Variants in AKAP6 observed in about 807,000 individuals in gnomAD.
AKAP6 encodes the protein A-kinase anchor protein 6.
AKAP6 carries 58 observed loss-of-function variants against 188.5 expected under a neutral mutation model. That is an observed-to-expected ratio of 0.31 (90% confidence interval 0.25 to 0.38). The LOEUF (loss-of-function observed/expected upper bound fraction) is 0.38, where lower values mean the gene tolerates loss of function less well. Among genes scored for constraint, AKAP6 ranks in the 10% least tolerant of loss-of-function variants. AKAP6 has a pLI of 1.00. For synonymous variants in AKAP6, 989 were observed against 998.6 expected (o/e 0.99, Z 0.18); for missense variants, 2,710 against 2,740.0 (o/e 0.99, Z 0.24).
At position 32,750,731 on chromosome 14, in the gene AKAP6, A is replaced by ATTT. The variant is rs765897477; in HGVS notation, c.3372+14849_3372+14850insTTT. 1.6e-4 allele frequency among the ~76,000 whole-genome samples: 15 copies of ATTT among 93,642 alleles called. No individual in the cohort carries two copies. In the South Asian group the frequency reaches 2.2e-3, roughly 13 times the overall value. The allele number at this position is 93,642 out of a possible 152,430, so 61.4% of individuals were successfully genotyped here. A position where few individuals can be genotyped will look rare whatever the true frequency, so the allele number is the denominator to read the frequency against. On this transcript the variant is annotated intron_variant, in intron 11 of 13. Transcript: ENST00000280979. ...GAGAGCAGGACTGGGTCACTAAATT[A>ATTT]ATTTTGTTTTTTTTTTTTTGTTTTT...
At chr14:32,349,686 C>T (rs1011595820) in intron 1 of AKAP6, among the ~76,000 whole-genome samples, 2 of 152,180 alleles carry the variant, frequency 1.3e-5, no homozygotes, top group African/African-American at 4.8e-5. Context: ...TCGATATACA[C>T]TAACTCGAAG....
chr14:32,487,085 T>G (rs1172306931), intron 2 of AKAP6, among the ~76,000 whole-genome samples: 4 of 152,346 alleles, frequency 2.6e-5, no homozygotes, highest in Admixed American at 1.3e-4. Context: ...CATGTGGTTT[T>G]TGTCATTGGT....
At chr14:32,684,131 C>G (rs1032553841) in intron 8 of AKAP6, among the ~76,000 whole-genome samples, 1 of 152,022 alleles carries the variant, frequency 6.6e-6, no homozygotes, top group African/African-American at 2.4e-5. Flanking sequence ...GTAGAAAAAC[C>G]CAGGAAGCAG....
chr14:32,584,013 A>G (rs1885111523), intron 5 of AKAP6, among the ~76,000 whole-genome samples: 1 of 152,180 alleles, frequency 6.6e-6, no homozygotes, highest in Admixed American at 6.5e-5. Flanking sequence ...GGCACTCCCT[A>G]GTGAGATGAA....
chr14:32,331,755 C>A (rs531071283), intron 1 of AKAP6, among the ~76,000 whole-genome samples: 1 of 152,128 alleles, frequency 6.6e-6, no homozygotes, highest in Admixed American at 6.5e-5. Flanking sequence ...TGGTGCCTCA[C>A]TGAAACTTTC....
rs377576736 is a variant in AKAP6 at position 32,599,488 on chromosome 14, A to G, written c.2548A>G (p.Ile850Val). Reference sequence around the variant, plus strand: ...GGAAGGACACCAACTTCTTGAGCTTATTGCATCTCACAAAGCAGGTAAATC... The same window carrying G: ...GGAAGGACACCAACTTCTTGAGCTTGTTGCATCTCACAAAGCAGGTAAATC... ...EEEGHQLLEL[I>V]ASHKAGLKDM... is the part of the protein sequence containing the mutation. Residue 850 changes from isoleucine to valine, a missense_variant, in exon 6 of 14, where the codon ATT becomes GTT. By Grantham distance (29) the Ile-to-Val change is conservative. Transcript: ENST00000280979. 8.1e-6 allele frequency: 13 copies of G among 1,613,134 alleles called. No homozygotes were observed. The highest frequency in any genetic ancestry group is 1.1e-5 in the Non-Finnish European group (13 of 1,179,480).
chr14:32,676,864 CA>C (rs1384076314), intron 7 of AKAP6, among the ~76,000 whole-genome samples: 1 of 152,106 alleles, frequency 6.6e-6, no homozygotes, highest in Admixed American at 6.6e-5. Flanking sequence ...GAAAGCGTCT[CA>C]CTTTGTTGCC....
chr14:32,835,486 A>C lies in AKAP6; in HGVS notation c.*5681A>C, dbSNP rs1194302261. On this transcript the variant is annotated 3_prime_UTR_variant, in exon 14 of 14. Coordinates refer to ENST00000280979, the MANE Select transcript of AKAP6 (RefSeq NM_004274.5). ...CAAAACCATCAGAAAAATTGACACA[A>C]ACTCACTTCCATGCACCAGTAAACT... is the stretch of plus-strand genomic sequence containing the variant. 2 of 152,248 alleles carry C rather than the reference A, an allele frequency of 1.3e-5. No individual in the cohort carries two copies. The highest frequency in any genetic ancestry group is 2.9e-5 in the Non-Finnish European group (2 of 68,044). 9.4% of individuals were successfully genotyped at this position (152,248 alleles called of 1,614,324 possible). A position where few individuals can be genotyped will look rare whatever the true frequency, so the allele number is the denominator to read the frequency against.
intron 9 of AKAP6, among the ~76,000 whole-genome samples, chr14:32,730,253 A>G (rs1305682612): frequency 6.6e-6 from 1 of 152,184 alleles, no homozygotes; most frequent in Non-Finnish European, 1.5e-5. Context: ...TTTGTATTAG[A>G]GTTTGAAGGC....
rs1343108513 is a variant in AKAP6 at position 32,467,189 on chromosome 14, G to A, written c.324+33372G>A. ...GTAACAAAACTGCACATGAACCCCC[G>A]AACCTAAAATAAAAGTTGGAAGGAA... On this transcript the variant is annotated intron_variant, in intron 2 of 13. Coordinates refer to ENST00000280979, the MANE Select transcript of AKAP6 (RefSeq NM_004274.5). 6.4e-5 allele frequency among the ~76,000 whole-genome samples: 9 copies of A among 140,410 alleles called. No individual in the cohort carries two copies. In the East Asian group the frequency reaches 1.4e-3, roughly 22 times the overall value. 92.1% of individuals were successfully genotyped at this position (140,410 alleles called of 152,430 possible). A position where few individuals can be genotyped will look rare whatever the true frequency, so the allele number is the denominator to read the frequency against.
At chr14:32,732,714 C>A in intron 10 of AKAP6, 114 bp downstream of exon 10, 1 of 1,213,226 alleles carries the variant, frequency 8.2e-7, no homozygotes, top group Non-Finnish European at 1.2e-6. Flanking sequence ...AATTCACTAC[C>A]TACGTTTCAA....
intron 2 of AKAP6, among the ~76,000 whole-genome samples, chr14:32,448,613 C>T (rs1180782798): frequency 6.6e-6 from 1 of 152,032 alleles, no homozygotes; most frequent in Non-Finnish European, 1.5e-5. Context: ...GTGTGTTAAC[C>T]TTTTTAGATT....
chr14:32,482,754 C>T (rs901153491), intron 2 of AKAP6, among the ~76,000 whole-genome samples: 1 of 152,084 alleles, frequency 6.6e-6, no homozygotes, highest in African/African-American at 2.4e-5. Context: ...AACAATACAA[C>T]TCAGAAAACG....
intron 11 of AKAP6, among the ~76,000 whole-genome samples, chr14:32,742,664 G>T (rs58036433): frequency 0.072 from 10,895 of 151,818 alleles, 889 homozygotes; most frequent in East Asian, 0.37. Flanking sequence ...ATTTCCTTGT[G>T]TTTGTATAGT....
At chr14:32,520,679 C>T (rs1218295022) in intron 2 of AKAP6, among the ~76,000 whole-genome samples, 2 of 152,112 alleles carry the variant, frequency 1.3e-5, no homozygotes, top group Admixed American at 6.5e-5. Flanking sequence ...CAATAACAGG[C>T]TCTGAAATTG....
At chr14:32,596,946 T>C (rs1258747721) in intron 5 of AKAP6, among the ~76,000 whole-genome samples, 8 of 152,140 alleles carry the variant, frequency 5.3e-5, no homozygotes, top group Non-Finnish European at 2.9e-5. Context: ...TCATTGTGAA[T>C]TCCTTAGTTG....
intron 2 of AKAP6, among the ~76,000 whole-genome samples, chr14:32,476,038 A>G (rs1020798823): frequency 3.9e-5 from 6 of 152,162 alleles, no homozygotes; most frequent in African/African-American, 1.4e-4. Context: ...AACTAGCAGT[A>G]CTTGTATAAT....
chr14:32,525,435 T>A (rs974962324), intron 2 of AKAP6, among the ~76,000 whole-genome samples: 6 of 152,222 alleles, frequency 3.9e-5, no homozygotes, highest in Non-Finnish European at 7.3e-5. Flanking sequence ...AACTTCTAAT[T>A]GGTCCTTTCT....
At chr14:32,432,591 A>G (rs1281098020) in intron 1 of AKAP6, among the ~76,000 whole-genome samples, 1 of 152,204 alleles carries the variant, frequency 6.6e-6, no homozygotes, top group Non-Finnish European at 1.5e-5. Flanking sequence ...TATACTTTCT[A>G]GGAAAGTAAA....
Sources: gnomAD v4.1 joint callset for allele counts (sites outside exome capture counted in the v4.1 genomes callset) on GRCh38, gnomAD v4.1.1 for gene constraint, MANE v1.5 for transcripts, NCBI Gene and HGNC (gene_info 2026-07-23, HGNC 2026-07-21) for gene names.